The following COL5A3 variants were observed in gnomAD, a reference collection of about 807,000 sequenced individuals.
The protein encoded by COL5A3 is collagen alpha-3(V) chain.
A neutral mutation model predicts 250.0 loss-of-function variants in COL5A3; 172 were observed. That is an observed-to-expected ratio of 0.69 (90% CI 0.61 to 0.78). The LOEUF (loss-of-function observed/expected upper bound fraction) is 0.78, where lower values mean the gene tolerates loss of function less well. Among genes scored for constraint, COL5A3 ranks in the 30% least tolerant of loss-of-function variants. COL5A3 has a pLI of 0.00. For missense variants in COL5A3, 2,340 were observed against 2,334.4 expected, an observed-to-expected ratio of 1.00 and a Z score of -0.05; for synonymous variants, 937 against 900.4, an observed-to-expected ratio of 1.04 and a Z score of -0.73.
chr19:9,999,295 G>A (rs531256119), intron 8 of COL5A3, among the ~76,000 whole-genome samples: 1 of 150,994 alleles, frequency 6.6e-6, no homozygotes, highest in Non-Finnish European at 1.5e-5. Flanking sequence ...AGACTCAGGT[G>A]ATCCTCCCTC....
rs2086798658 is a variant in COL5A3, at chr19:9,969,512, A to G, written c.4098+63T>C. ...CCCTCCAAACGGTGATGGGATCACA[A>G]GCTGGGAGCAGACAGAGAGGAGCTG... On this transcript the variant is annotated intron_variant, in intron 56 of 66. Coordinates refer to ENST00000264828, the MANE Select transcript of COL5A3 (RefSeq NM_015719.4). 14 of 1,595,994 alleles carry G rather than the reference A, an allele frequency of 8.8e-6. No homozygotes were observed. The Admixed American group carries it at 2.4e-4, about 28-fold the overall frequency.
chr19:9,980,618 T>TCA (rs57936080), intron 35 of COL5A3, 30 bp downstream of exon 35: 136,816 of 1,447,218 alleles, frequency 0.095, 1,215 homozygotes, highest in African/African-American at 0.11. Flanking sequence ...ACACACACAT[T>TCA]CACACACACA....
chr19:9,997,885 G>A (rs908396551), intron 10 of COL5A3, 99 bp downstream of exon 10: 252 of 1,309,322 alleles, frequency 1.9e-4, no homozygotes, highest in Non-Finnish European at 2.5e-4. Flanking sequence ...CCCTCCACTT[G>A]GCCAGGCAAC....
chr19:9,982,177 T>C, intron 31 of COL5A3, 59 bp from the exon 32 acceptor site: 1 of 1,196,162 alleles, frequency 8.4e-7, no homozygotes, highest in South Asian at 1.5e-5. Flanking sequence ...TGGGTGGAAT[T>C]GGCCCCTCAT....
intron 65 of COL5A3, 65 bp downstream of exon 65, chr19:9,962,754 T>G: frequency 2.4e-6 from 3 of 1,255,590 alleles, no homozygotes; most frequent in Middle Eastern, 2.0e-4. Context: ...AACCCACCCC[T>G]CAAACCCCCC....
chr19:10,003,629 T>C lies in COL5A3; in HGVS notation c.785A>G (p.Lys262Arg), dbSNP rs571269062. ...AATTTCCTTGTTCTTTTTCCTGCCC[T>C]TCCCCTTGCGACCTCGCCCTTTCTT... Reference protein sequence around the residue: ...GRKKGRGRKGKGRKKNKEIWT... With the variant: ...GRKKGRGRKGRGRKKNKEIWT... Residue 262 changes from lysine to arginine, a missense_variant, in exon 6 of 67, where the codon AAG becomes AGG. By Grantham distance (26) the Lys-to-Arg change is conservative (BLOSUM62 2). This residue lies in a region of COL5A3 where 1,152 missense variants were observed against 1,146.3 expected (regional missense o/e 1.00). Coordinates refer to ENST00000264828, the MANE Select transcript of COL5A3 (RefSeq NM_015719.4). 6.2e-7 allele frequency: 1 copy of C among 1,614,198 alleles called. No homozygotes were observed. Among genetic ancestry groups the C allele is most frequent in the Admixed American group, 1.7e-5 (1 of 60,020 alleles).
At position 9,982,101 on chromosome 19, in the gene COL5A3, G is replaced by C. The variant is rs142157715; in HGVS notation, c.2424C>G (p.Pro808=). ...RPGPKGSIGF[P]GPLGPIGEKG... ...TCTCTCCTATGGGTCCCAGGGGACC[G>C]GGAAATCCAATAGATCCCTGAGTGG... The change falls in exon 32 of 67, where the codon CCC becomes CCG. Residue 808 remains proline (P), a synonymous_variant. Transcript: ENST00000264828. 1 of 1,605,012 alleles carries C rather than the reference G, an allele frequency of 6.2e-7. No individual in the cohort carries two copies. The highest frequency in any genetic ancestry group is 8.5e-7 in the Non-Finnish European group (1 of 1,175,808).
intron 8 of COL5A3, among the ~76,000 whole-genome samples, chr19:10,001,100 GT>G (rs1002509765): frequency 1.3e-5 from 2 of 151,094 alleles, no homozygotes; most frequent in Admixed American, 1.3e-4. Context: ...TAAGATAAAA[GT>G]TTTTTTAAAA....
In COL5A3 at chr19:9,978,643, A is replaced by G. The variant is rs1884261818; in HGVS notation, c.2965-16T>C. ...CAGTAGGTCCCTGAAGGAGGAGATA[A>G]TTCACAGTTAAGAGACTCCCAAAGG... On this transcript the variant is annotated splice_polypyrimidine_tract_variant and intron_variant, in intron 40 of 66. Transcript: ENST00000264828. 1 of 1,538,320 alleles carries G rather than the reference A, an allele frequency of 6.5e-7. No individual in the cohort carries two copies. Among genetic ancestry groups the G allele is most frequent in the Admixed American group, 2.1e-5 (1 of 47,360 alleles).
intron 51 of COL5A3, among the ~76,000 whole-genome samples, 194 bp from the exon 52 acceptor site, chr19:9,971,452 C>T (rs143845889): frequency 1.1e-4 from 17 of 152,252 alleles, no homozygotes; most frequent in East Asian, 1.9e-4. Flanking sequence ...GAATGCCGCA[C>T]GCATGGTCTC....
Position 10,010,308 on chromosome 19 carries a change from C to T in COL5A3, c.78G>A (p.Gly26=). ...TCCCTCCCGGCTCACCGGCCTGCGT[C>T]CCCGGCAGAAGCTGCAGCGCGGCCA... ...LLLAALQLLP[G]TQADPVDVLK... The change falls in exon 1 of 67, where the codon GGG becomes GGA. Residue 26 remains glycine, a synonymous_variant. Transcript: ENST00000264828. 1 of 1,452,938 alleles carries T rather than the reference C, an allele frequency of 6.9e-7. No homozygotes were observed. Among genetic ancestry groups the T allele is most frequent in the Non-Finnish European group, 9.1e-7 (1 of 1,097,590 alleles). 90.0% of individuals were successfully genotyped at this position (1,452,938 alleles called of 1,614,324 possible). A position where few individuals can be genotyped will look rare whatever the true frequency, so the allele number is the denominator to read the frequency against.
chr19:9,970,657 C>A lies in COL5A3; in HGVS notation c.3901G>T (p.Gly1301Trp). The change falls in exon 54 of 67, where the codon GGG becomes TGG. Residue 1301 changes from glycine to tryptophan, a missense_variant. Gly to Trp is a radical substitution (Grantham distance 184, BLOSUM62 -2). Around this residue, in one of 3 missense-constraint regions of COL5A3, gnomAD observed 1,179 missense variants for 1,162.6 expected, o/e 1.01. Transcript: ENST00000264828. Reference protein sequence around the residue: ...VGGPGPPGASGEPGAPGPPGK... With the variant: ...VGGPGPPGASWEPGAPGPPGK... ...GGGGGCCCGGGGGCGCCGGGCTCCC[C>A]AGAAGCTCCAGGCGGACCCTGGAGG... The A allele has an allele frequency of 6.9e-7, 1 of 1,451,154 alleles. No homozygotes were observed. The highest frequency in any genetic ancestry group is 1.5e-5 in the South Asian group (1 of 64,598). 89.9% of individuals were successfully genotyped at this position (1,451,154 alleles called of 1,614,324 possible).
At chr19:9,967,678 G>C in intron 61 of COL5A3, 1 of 546,664 alleles carries the variant, frequency 1.8e-6, no homozygotes, top group Non-Finnish European at 3.1e-6. Context: ...AGTTTACTTG[G>C]CAGAACTGTT....
At chr19:9,996,385 C>G (rs1157334564) in intron 13 of COL5A3, 48 bp downstream of exon 13, 2 of 1,601,744 alleles carry the variant, frequency 1.2e-6, no homozygotes, top group African/African-American at 1.3e-5. Context: ...CGCCGAGGCT[C>G]TATCACTCTC....
Position 9,966,394 on chromosome 19 carries a change from C to A in COL5A3, c.4702G>T (p.Ala1568Ser). The A allele has an allele frequency of 1.2e-6, 2 of 1,608,792 alleles. No individual in the cohort carries two copies. ...EYWIDPNQGCARDSFRVFCNF... is the reference protein window; with the variant it reads ...EYWIDPNQGCSRDSFRVFCNF... ...CAAAAAACCCTGAACGAGTCCCGCG[C>A]GCAGCCCTGGTTGGGGTCAATCCAG... Residue 1568 changes from alanine (A) to serine (S), a missense_variant, in exon 64 of 67, where the codon GCG (alanine) becomes TCG (serine). Around this residue, in one of 3 missense-constraint regions of COL5A3, gnomAD observed 1,179 missense variants for 1,162.6 expected, o/e 1.01. Coordinates refer to ENST00000264828, the MANE Select transcript of COL5A3 (RefSeq NM_015719.4).
intron 6 of COL5A3, among the ~76,000 whole-genome samples, chr19:10,002,316 G>T (rs2087375999): frequency 6.6e-6 from 1 of 152,040 alleles, no homozygotes. Flanking sequence ...GGTCCCAGGT[G>T]AGGGGACAAG....
intron 24 of COL5A3, among the ~76,000 whole-genome samples, chr19:9,991,220 C>G (rs750317225): frequency 6.6e-6 from 1 of 152,074 alleles, no homozygotes; most frequent in African/African-American, 2.4e-5. Context: ...CCAGCCTGGG[C>G]GACAGAGTGA....
rs2087485615 is a variant in COL5A3 at position 10,009,118 on chromosome 19, T to C, written c.88+1180A>G. Among the ~76,000 whole-genome samples, 1 of 151,514 alleles carries C rather than the reference T, an allele frequency of 6.6e-6. No homozygotes were observed. The highest frequency in any genetic ancestry group is 1.5e-5 in the Non-Finnish European group (1 of 67,900). ...ATAGTCCAATCAGGGATTAACCATA[T>C]GGACAGGCACCTTCCTGGACTCCAA... On this transcript the variant is annotated intron_variant, in intron 1 of 66. Coordinates refer to ENST00000264828, the MANE Select transcript of COL5A3 (RefSeq NM_015719.4). The surrounding 1 kb of genome is among the most constrained non-coding windows in gnomAD (Gnocchi z 4.4).
At chr19:9,967,596 C>T (rs2086772879) in intron 61 of COL5A3, 196 bp from the exon 62 acceptor site, 2 of 578,612 alleles carry the variant, frequency 3.5e-6, no homozygotes, top group Admixed American at 3.6e-5. Context: ...CAGCATTAGG[C>T]ATCAGACACA....
Sources: gnomAD v4.1 joint callset for allele counts (sites outside exome capture counted in the v4.1 genomes callset) on GRCh38, gnomAD v4.1.1 for gene constraint, gnomAD v4.1.1 regional missense constraint, Gnocchi (gnomAD v3.1) non-coding constraint, MANE v1.5 for transcripts, NCBI Gene and HGNC (gene_info 2026-07-23, HGNC 2026-07-21) for gene names.